Variants in KAZN observed in about 807,000 individuals in gnomAD.
KAZN encodes the protein kazrin, periplakin interacting protein, also known as kazrin.
In KAZN, 40 loss-of-function variants were observed where a neutral mutation model predicts 87.4. That is an observed-to-expected ratio of 0.46 (90% confidence interval 0.36 to 0.60). The LOEUF is 0.60. Among genes scored for constraint, KAZN ranks in the 20% least tolerant of loss-of-function variants. The pLI, the probability that KAZN is intolerant of heterozygous loss-of-function variation, is 0.00. For synonymous variants in KAZN, 466 were observed against 458.3 expected, an observed-to-expected ratio of 1.02 and a Z score of -0.22; for missense variants, 898 against 1,073.9, an observed-to-expected ratio of 0.84 and a Z score of 2.29.
intron 1 of KAZN, among the ~76,000 whole-genome samples, chr1:14,753,314 G>A (rs1345227682): frequency 1.3e-5 from 2 of 152,172 alleles, no homozygotes; most frequent in African/African-American, 4.8e-5. Context: ...TCCTGTTTAT[G>A]AGGAGAAACT....
chr1:14,744,431 T>C (rs1288540392), intron 1 of KAZN, among the ~76,000 whole-genome samples: 1 of 152,138 alleles, frequency 6.6e-6, no homozygotes, highest in Non-Finnish European at 1.5e-5. Context: ...TGTTTTTTAA[T>C]TATTTAAGTG....
At chr1:14,555,425 G>T (rs780161983) in intron 2 of KAZN, among the ~76,000 whole-genome samples, 6 of 152,184 alleles carry the variant, frequency 3.9e-5, no homozygotes, top group Non-Finnish European at 8.8e-5. Flanking sequence ...TTCTACAATT[G>T]TAGTTTCTCA....
At chr1:14,976,031 C>CAAAA (rs1162988294) in intron 2 of KAZN, among the ~76,000 whole-genome samples, 8 of 85,550 alleles carry the variant, frequency 9.4e-5, no homozygotes, top group Non-Finnish European at 1.7e-4. Context: ...GACTCCGTCT[C>CAAAA]AAAAAAAAAA....
intron 2 of KAZN, among the ~76,000 whole-genome samples, chr1:14,543,746 A>G (rs77108886): frequency 0.031 from 4,675 of 152,246 alleles, 86 homozygotes; most frequent in African/African-American, 0.05. Flanking sequence ...GTCATTGGAG[A>G]CCACCGTATT....
chr1:14,302,557 G>A (rs907899513), intron 2 of KAZN, among the ~76,000 whole-genome samples: 1 of 152,186 alleles, frequency 6.6e-6, no homozygotes, highest in Admixed American at 6.5e-5. Context: ...AAGAATAAAG[G>A]TTAGATTCCA....
At chr1:13,978,205 A>C (rs1317336399) in intron 1 of KAZN, among the ~76,000 whole-genome samples, 3 of 151,980 alleles carry the variant, frequency 2.0e-5, no homozygotes, top group Non-Finnish European at 2.9e-5. Context: ...TCAGAAAACA[A>C]AGAAGTGTGA....
At chr1:14,660,066 G>A (rs908717248) in intron 1 of KAZN, among the ~76,000 whole-genome samples, 2 of 152,208 alleles carry the variant, frequency 1.3e-5, no homozygotes, top group Admixed American at 6.5e-5. Context: ...CAGGGCAGCC[G>A]CTCTGCAACT....
chr1:14,902,312 G>A (rs577342082), intron 1 of KAZN, among the ~76,000 whole-genome samples: 22 of 151,138 alleles, frequency 1.5e-4, no homozygotes, highest in Non-Finnish European at 1.8e-4. Context: ...AGCAAGCTCC[G>A]CCTCCCGGGT....
intron 1 of KAZN, among the ~76,000 whole-genome samples, chr1:14,884,703 G>A (rs1363981643): frequency 6.6e-6 from 1 of 152,208 alleles, no homozygotes; most frequent in African/African-American, 2.4e-5. Flanking sequence ...TAGCTCTGAC[G>A]TGGGATCTGG....
Position 14,460,751 on chromosome 1 carries a change from G to C in KAZN, c.250-138232G>C, listed in dbSNP as rs148818566. Among the ~76,000 whole-genome samples the C allele has an allele frequency of 3.0e-4, 46 of 152,212 alleles. 1 individual carries two copies. The highest frequency in any genetic ancestry group is 1.0e-3 in the African/African-American group (43 of 41,530). ...TTTGGTCAGAAAATCAGAAATAGAG[G>C]CTCCTTGGGAAAACAGAGATACTTC... On this transcript the variant is annotated intron_variant, in intron 2 of 16. Coordinates refer to the KAZN transcript ENST00000636203.
At chr1:14,588,077 C>T (rs1675968156) in intron 2 of KAZN, among the ~76,000 whole-genome samples, 1 of 152,114 alleles carries the variant, frequency 6.6e-6, no homozygotes, top group Admixed American at 6.5e-5. Context: ...GTAAATTAAC[C>T]TTCCTGAGTC....
chr1:14,621,799 G>A (rs952547269), intron 1 of KAZN, among the ~76,000 whole-genome samples: 9 of 152,156 alleles, frequency 5.9e-5, no homozygotes, highest in African/African-American at 2.4e-5. Flanking sequence ...CTTGCCTTCT[G>A]CCATGACTGT....
Position 14,409,233 on chromosome 1 carries a change from G to C in KAZN, c.250-189750G>C, listed in dbSNP as rs114699789. On this transcript the variant is annotated intron_variant, in intron 2 of 16. Transcript: ENST00000636203. ...GTTATTCTAGGAACCAGAAACAAAAGAGGAAGTGAAAAGCCATCTTAACAC... is the reference window on the plus strand; with the variant it reads ...GTTATTCTAGGAACCAGAAACAAAACAGGAAGTGAAAAGCCATCTTAACAC... 5.0e-3 allele frequency among the ~76,000 whole-genome samples: 768 copies of C among 152,278 alleles called. 7 individuals carry two copies. The highest frequency in any genetic ancestry group is 0.018 in the African/African-American group (737 of 41,562).
intron 1 of KAZN, among the ~76,000 whole-genome samples, chr1:14,940,793 A>G (rs1572879588): frequency 6.7e-6 from 1 of 150,048 alleles, no homozygotes; most frequent in Non-Finnish European, 1.5e-5. Context: ...GAAGAGGGGC[A>G]GGTGGAAATG....
chr1:14,254,918 C>T (rs969518556), intron 2 of KAZN, among the ~76,000 whole-genome samples: 1 of 151,644 alleles, frequency 6.6e-6, no homozygotes, highest in Non-Finnish European at 1.5e-5. Context: ...GTCAGGAGTT[C>T]GAGACCAGCC....
intron 2 of KAZN, among the ~76,000 whole-genome samples, chr1:14,377,859 C>G (rs1283476284): frequency 6.6e-6 from 1 of 152,122 alleles, no homozygotes; most frequent in African/African-American, 2.4e-5. Context: ...AGCAACATCC[C>G]TGATCTCTAC....
In KAZN at chr1:14,522,956, A is replaced by C. The variant is rs192480599; in HGVS notation, c.250-76027A>C. ...CCCACCCAGAGGGTCTTTCTCTAGC[A>C]CCAAGGTGCTGGGAGGGCTCCCTGT... On this transcript the variant is annotated intron_variant, in intron 2 of 16. Transcript: ENST00000636203. Among the ~76,000 whole-genome samples, 875 of 152,178 alleles carry C rather than the reference A, an allele frequency of 5.7e-3. 11 individuals carry two copies. Among genetic ancestry groups the C allele is most frequent in the African/African-American group, 0.019 (803 of 41,526 alleles).
chr1:14,347,415 A>G (rs554015467), intron 2 of KAZN, among the ~76,000 whole-genome samples: 4 of 152,318 alleles, frequency 2.6e-5, no homozygotes, highest in East Asian at 3.9e-4. Flanking sequence ...AGTCTTCCCA[A>G]TGAAGACACG....
intron 2 of KAZN, among the ~76,000 whole-genome samples, chr1:14,250,405 A>G (rs781426315): frequency 1.8e-4 from 28 of 151,920 alleles, no homozygotes; most frequent in Non-Finnish European, 2.8e-4. Flanking sequence ...GAGATCCGGG[A>G]TTTTTTTCTT....
Sources: gnomAD v4.1 joint callset for allele counts (sites outside exome capture counted in the v4.1 genomes callset) on GRCh38, gnomAD v4.1.1 for gene constraint, MANE v1.5 for transcripts, NCBI Gene and HGNC (gene_info 2026-07-23, HGNC 2026-07-21) for gene names.